The following GRAP2 variants were observed in gnomAD, a reference collection of about 807,000 sequenced individuals.
GRAP2 encodes GRB2 related adaptor protein 2, also known as GRB2-related adapter protein 2.
Under a neutral mutation model 43.5 loss-of-function variants are expected in GRAP2, and 31 were observed. The observed-to-expected ratio is 0.71, with a 90% CI of 0.54 to 0.96. The LOEUF (loss-of-function observed/expected upper bound fraction) is 0.96, where lower values mean the gene tolerates loss of function less well. GRAP2 is among the 40% of genes least tolerant of loss of function. The pLI is 0.00. For missense variants in GRAP2, 371 were observed against 424.4 expected, an observed-to-expected ratio of 0.87 and a Z score of 1.11; for synonymous variants, 156 against 164.8, an observed-to-expected ratio of 0.95 and a Z score of 0.41.
intron 2 of GRAP2, among the ~76,000 whole-genome samples, chr22:39,951,887 C>T (rs916539499): frequency 2.0e-5 from 3 of 152,074 alleles, no homozygotes; most frequent in African/African-American, 7.3e-5. Flanking sequence ...GTTAGGCAGA[C>T]CAAGCACCAG....
intron 2 of GRAP2, chr22:39,947,619 C>T (rs1016177319): frequency 6.1e-6 from 1 of 163,304 alleles, no homozygotes; most frequent in African/African-American, 2.4e-5. Flanking sequence ...GGAGCAGCGC[C>T]AGGCTCAGCA....
At chr22:39,943,782 C>T (rs1333135317) in intron 1 of GRAP2, among the ~76,000 whole-genome samples, 1 of 148,842 alleles carries the variant, frequency 6.7e-6, no homozygotes, top group Non-Finnish European at 1.5e-5. Flanking sequence ...TGCAGTGGTG[C>T]AATCTCGGCT....
chr22:39,938,087 T>C (rs1266822409), intron 1 of GRAP2, among the ~76,000 whole-genome samples: 2 of 152,164 alleles, frequency 1.3e-5, no homozygotes, highest in Non-Finnish European at 2.9e-5. Context: ...ACCTTGGGCA[T>C]CACCCAAGTT....
At chr22:39,970,266 C>T (rs904623371) in intron 7 of GRAP2, among the ~76,000 whole-genome samples, 5 of 152,194 alleles carry the variant, frequency 3.3e-5, no homozygotes, top group Non-Finnish European at 7.4e-5. Flanking sequence ...TTATTTGTAG[C>T]GATAAGCTCT....
intron 1 of GRAP2, among the ~76,000 whole-genome samples, chr22:39,911,119 CAG>C (rs1425665935): frequency 6.6e-6 from 1 of 152,192 alleles, no homozygotes; most frequent in Non-Finnish European, 1.5e-5. Flanking sequence ...AAATGTCACT[CAG>C]AGGCAGCATT....
chr22:39,969,583 G>T (rs751993784), intron 7 of GRAP2, 50 bp downstream of exon 7: 2 of 1,590,204 alleles, frequency 1.3e-6, no homozygotes, highest in South Asian at 2.2e-5. Flanking sequence ...CCTTGGGACA[G>T]AGGTCAATGG....
chr22:39,911,597 A>G (rs946276502), intron 1 of GRAP2, among the ~76,000 whole-genome samples: 4 of 152,160 alleles, frequency 2.6e-5, no homozygotes, highest in Non-Finnish European at 4.4e-5. Flanking sequence ...GAAATGTCAT[A>G]TTTCAAAACA....
intron 6 of GRAP2, chr22:39,968,497 A>T: frequency 1.8e-6 from 1 of 564,368 alleles, no homozygotes; most frequent in African/African-American, 1.9e-5. Context: ...ACACACACAC[A>T]CACACTTAAA....
chr22:39,906,153 G>A (rs2066521775), intron 1 of GRAP2, among the ~76,000 whole-genome samples: 1 of 152,174 alleles, frequency 6.6e-6, no homozygotes. Flanking sequence ...GAGCCTCGGG[G>A]TGGAAGATGA....
chr22:39,924,575 G>A (rs769010654), intron 1 of GRAP2, among the ~76,000 whole-genome samples: 1 of 152,110 alleles, frequency 6.6e-6, no homozygotes, highest in Non-Finnish European at 1.5e-5. Context: ...GGTGGTGGGC[G>A]CCTGCAATCC....
At chr22:39,944,045 A>G (rs180914448) in intron 1 of GRAP2, among the ~76,000 whole-genome samples, 3 of 152,224 alleles carry the variant, frequency 2.0e-5, no homozygotes, top group African/African-American at 7.2e-5. Flanking sequence ...GCTGAAATTG[A>G]AAACAGCAGC....
chr22:39,964,150 T>G, intron 4 of GRAP2: 1 of 488,984 alleles, frequency 2.0e-6, no homozygotes, highest in Admixed American at 3.8e-5. Flanking sequence ...TATGTCTGTT[T>G]GAAAAATAAA....
At chr22:39,937,035 A>C (rs2066813689) in intron 1 of GRAP2, among the ~76,000 whole-genome samples, 1 of 152,230 alleles carries the variant, frequency 6.6e-6, no homozygotes, top group Admixed American at 6.5e-5. Context: ...AGAGCAGCAA[A>C]GTGAAGAGAA....
intron 3 of GRAP2, among the ~76,000 whole-genome samples, chr22:39,958,174 G>T (rs2067078814): frequency 1.3e-5 from 2 of 151,998 alleles, no homozygotes; most frequent in Non-Finnish European, 2.9e-5. Flanking sequence ...TTGGCTCCAG[G>T]ACGTCCTTCC....
intron 1 of GRAP2, among the ~76,000 whole-genome samples, chr22:39,928,177 T>C (rs536986439): frequency 9.9e-5 from 15 of 152,106 alleles, no homozygotes; most frequent in African/African-American, 1.4e-4. Flanking sequence ...AAACACCTCT[T>C]TTTTTTTGTC....
At chr22:39,917,700 C>T (rs2066614073) in intron 1 of GRAP2, among the ~76,000 whole-genome samples, 1 of 152,148 alleles carries the variant, frequency 6.6e-6, no homozygotes. Context: ...AAGCACAGCA[C>T]CTGGGGCTGG....
chr22:39,941,899 G>A (rs1186914385), intron 1 of GRAP2, among the ~76,000 whole-genome samples: 8 of 151,312 alleles, frequency 5.3e-5, no homozygotes. Context: ...TTAAGTGCTT[G>A]AGGAGTTCAG....
intron 3 of GRAP2, among the ~76,000 whole-genome samples, chr22:39,959,593 C>A (rs2067094310): frequency 6.6e-6 from 1 of 152,176 alleles, no homozygotes; most frequent in Non-Finnish European, 1.5e-5. Context: ...GCCACTGAGA[C>A]CTCAGGGCAG....
upstream of GRAP2, among the ~76,000 whole-genome samples, chr22:39,896,726 G>A (rs2066467856): frequency 6.6e-6 from 1 of 152,116 alleles, no homozygotes; most frequent in Non-Finnish European, 1.5e-5. Context: ...CCAGCTTAGT[G>A]GAATTAACCC....
Sources: gnomAD v4.1 joint callset for allele counts (sites outside exome capture counted in the v4.1 genomes callset) on GRCh38, gnomAD v4.1.1 for gene constraint, MANE v1.5 for transcripts, NCBI Gene and HGNC (gene_info 2026-07-23, HGNC 2026-07-21) for gene names.